The following STX12 variants were observed in gnomAD, a reference collection of about 807,000 sequenced individuals.
STX12 encodes the protein syntaxin-12.
STX12 carries 17 observed loss-of-function variants against 42.2 expected under a neutral mutation model. The ratio of observed to expected loss-of-function variants is 0.40; its 90% confidence interval spans 0.28 to 0.60. The LOEUF is 0.60. Among genes scored for constraint, STX12 ranks in the 20% least tolerant of loss-of-function variants. The pLI is 0.39. For missense variants in STX12, 297 were observed against 330.9 expected (o/e 0.90, Z 0.79); for synonymous variants, 108 against 116.7 (o/e 0.93, Z 0.48).
At position 27,819,691 on chromosome 1, in the gene STX12, G is replaced by A. The variant is rs569877251; in HGVS notation, c.691G>A (p.Glu231Lys). ...ANVESSEVHV[E>K]RATEQLQRAA... ...TGTGGAAAGCTCAGAGGTGCACGTC[G>A]AAAGAGCCACTGAACAGTTACAGCG... The change falls in exon 8 of 9, where the codon GAA (glutamate) becomes AAA (lysine). Residue 231 changes from glutamate (E) to lysine (K), a missense_variant. Physicochemically the swap from Glu to Lys is moderately conservative, Grantham distance 56 (BLOSUM62 1). Coordinates refer to ENST00000373943, the MANE Select transcript of STX12 (RefSeq NM_177424.3). The A allele has an allele frequency of 1.9e-5, 30 of 1,613,922 alleles. No individual in the cohort carries two copies. The highest frequency in any genetic ancestry group is 2.2e-5 in the Non-Finnish European group (26 of 1,179,892).
chr1:27,797,299 C>T (rs928699560), intron 3 of STX12, among the ~76,000 whole-genome samples: 17 of 152,304 alleles, frequency 1.1e-4, no homozygotes, highest in African/African-American at 3.8e-4. Context: ...TCAAGTGATC[C>T]GCCTGCCTCG....
At chr1:27,773,776 C>A in intron 1 of STX12, 1 of 236,654 alleles carries the variant, frequency 4.2e-6, no homozygotes, top group South Asian at 5.3e-5. Context: ...TTTCTCCTGT[C>A]ACCCACCTTC....
intron 1 of STX12, among the ~76,000 whole-genome samples, chr1:27,784,956 A>G (rs2148598154): frequency 6.6e-6 from 1 of 152,176 alleles, no homozygotes; most frequent in African/African-American, 2.4e-5. Flanking sequence ...TCATCCCAAC[A>G]AAGGAAATCA....
intron 3 of STX12, among the ~76,000 whole-genome samples, chr1:27,794,641 T>C (rs1016412012): frequency 1.3e-5 from 2 of 152,208 alleles, no homozygotes; most frequent in Admixed American, 6.5e-5. Context: ...AAAAAAACTT[T>C]CTCCGTCTAC....
intron 7 of STX12, 149 bp from the exon 8 acceptor site, chr1:27,819,501 G>T: frequency 1.8e-6 from 1 of 571,036 alleles, no homozygotes. Flanking sequence ...GAAAAGGCTA[G>T]TCTCTTACCA....
intron 4 of STX12, among the ~76,000 whole-genome samples, chr1:27,809,273 G>A (rs1345304674): frequency 3.3e-5 from 5 of 150,162 alleles, no homozygotes; most frequent in African/African-American, 1.2e-4. Context: ...GGCAGAGGTG[G>A]TAGTGCAGCC....
chr1:27,793,541 T>TA lies in STX12; in HGVS notation c.198dup (p.Gln67ThrfsTer13). Reference sequence around the variant, plus strand: ...TATCTTTTCTCTCTTAGGCAACAGTTACAACACTCCACAAATCAGCTCGCC... The same window carrying TA: ...TATCTTTTCTCTCTTAGGCAACAGTTAACAACACTCCACAAATCAGCTCGCC... On this transcript the variant is annotated frameshift_variant, in exon 3 of 9. Transcript: ENST00000373943. LOFTEE classifies it high-confidence loss of function. 1.2e-6 allele frequency: 2 copies of TA among 1,614,032 alleles called. No homozygotes were observed. The highest frequency in any genetic ancestry group is 1.7e-6 in the Non-Finnish European group (2 of 1,179,910).
intron 1 of STX12, among the ~76,000 whole-genome samples, chr1:27,779,728 G>A (rs1030325466): frequency 4.6e-5 from 7 of 151,814 alleles, no homozygotes; most frequent in African/African-American, 2.4e-5. Context: ...TGCTAGGAAG[G>A]CTATTTTCTT....
Position 27,822,163 on chromosome 1 carries a change from C to G in STX12, c.733-68C>G, listed in dbSNP as rs2088989085. On this transcript the variant is annotated intron_variant, in intron 8 of 8. Coordinates refer to ENST00000373943, the MANE Select transcript of STX12 (RefSeq NM_177424.3). ...CAAGGAGGCAGATTTATGAAGCATTCTTAGAGTCTTACACATACAAATTTT... is the reference window on the plus strand; with the variant it reads ...CAAGGAGGCAGATTTATGAAGCATTGTTAGAGTCTTACACATACAAATTTT... The G allele has an allele frequency of 1.3e-5, 12 of 944,998 alleles. No homozygotes were observed. In the South Asian group the frequency reaches 1.3e-4, roughly 10 times the overall value. 58.5% of individuals were successfully genotyped at this position (944,998 alleles called of 1,614,324 possible).
chr1:27,773,538 G>A, intron 1 of STX12, 113 bp downstream of exon 1: 1 of 917,832 alleles, frequency 1.1e-6, no homozygotes, highest in South Asian at 1.5e-5. Flanking sequence ...ACCTGGGGCT[G>A]TCTCGGGCTG....
Position 27,822,242 on chromosome 1 carries a change from CAAG to C in STX12, c.749_751del (p.Lys250del), listed in dbSNP as rs2088989770. The C allele has an allele frequency of 2.5e-6, 4 of 1,610,158 alleles. No individual in the cohort carries two copies. In the East Asian group the frequency reaches 8.9e-5, roughly 36 times the overall value. On this transcript the variant is annotated inframe_deletion, in exon 9 of 9. Coordinates refer to ENST00000373943, the MANE Select transcript of STX12 (RefSeq NM_177424.3). ...ATTTCTTTCCTCAGAAAAAATCTCG[CAAG>C]AAGATGTGTATCCTGGTGCTTGTCC...
In STX12 at chr1:27,822,765, C is replaced by T. The variant is rs1022374796; in HGVS notation, c.*436C>T. ...GTCTGTCAGAAACTCTATAATAGGC[C>T]ACCAGTTTTTATTATTTAACATTTT... On this transcript the variant is annotated 3_prime_UTR_variant, in exon 9 of 9. Transcript: ENST00000373943. The T allele has an allele frequency of 6.5e-6, 1 of 153,238 alleles. No homozygotes were observed. Among genetic ancestry groups the T allele is most frequent in the African/African-American group, 2.4e-5 (1 of 41,432 alleles). The allele number at this position is 153,238 out of a possible 1,614,324, so 9.5% of individuals were successfully genotyped here.
At chr1:27,806,899 G>T (rs925902580) in intron 4 of STX12, among the ~76,000 whole-genome samples, 2 of 152,010 alleles carry the variant, frequency 1.3e-5, no homozygotes, top group Admixed American at 6.6e-5. Context: ...CCAAACAACC[G>T]GATCTCATGA....
intron 1 of STX12, 70 bp downstream of exon 1, chr1:27,773,495 G>T: frequency 7.0e-7 from 1 of 1,421,248 alleles, no homozygotes; most frequent in South Asian, 1.2e-5. Flanking sequence ...CTGCCGGGAC[G>T]CAGGGCCCGG....
chr1:27,808,123 A>G lies in STX12; in HGVS notation c.427-2123A>G, dbSNP rs539502648. Among the ~76,000 whole-genome samples the G allele has an allele frequency of 1.6e-3, 245 of 152,188 alleles. 2 individuals carry two copies. Among genetic ancestry groups the G allele is most frequent in the Non-Finnish European group, 3.1e-3 (209 of 68,004 alleles). ...TGAGTAGGCTTTTAGGACTCTGGCA[A>G]TGTTATTTCTTGATCTGGGGAAAAA... On this transcript the variant is annotated intron_variant, in intron 4 of 8. Coordinates refer to ENST00000373943, the MANE Select transcript of STX12 (RefSeq NM_177424.3).
At chr1:27,787,266 C>T (rs1484546471) in intron 1 of STX12, among the ~76,000 whole-genome samples, 4 of 152,162 alleles carry the variant, frequency 2.6e-5, no homozygotes, top group African/African-American at 9.7e-5. Context: ...ATAACGTGTA[C>T]TTACTACTAA....
chr1:27,801,075 T>A (rs2088824338), intron 3 of STX12, among the ~76,000 whole-genome samples: 1 of 152,172 alleles, frequency 6.6e-6, no homozygotes, highest in Non-Finnish European at 1.5e-5. Flanking sequence ...ACCAAAATTC[T>A]GAATTGCAGT....
chr1:27,818,637 T>A (rs1370569957), intron 7 of STX12, among the ~76,000 whole-genome samples: 1 of 151,992 alleles, frequency 6.6e-6, no homozygotes, highest in African/African-American at 2.4e-5. Context: ...GTAACCCTTT[T>A]TTTTTTTTTG....
intron 3 of STX12, among the ~76,000 whole-genome samples, chr1:27,796,681 C>T (rs1480266261): frequency 6.6e-6 from 1 of 151,844 alleles, no homozygotes; most frequent in Admixed American, 6.6e-5. Flanking sequence ...CATGAACTGC[C>T]ATACCAGGCC....
Sources: gnomAD v4.1 joint callset for allele counts (sites outside exome capture counted in the v4.1 genomes callset) on GRCh38, gnomAD v4.1.1 for gene constraint, MANE v1.5 for transcripts, NCBI Gene and HGNC (gene_info 2026-07-23, HGNC 2026-07-21) for gene names.